The following CBX6 variants were observed in gnomAD, a reference collection of about 807,000 sequenced individuals.
CBX6 encodes the protein chromobox 6.
Under a neutral mutation model 28.4 loss-of-function variants are expected in CBX6, and 7 were observed. The observed-to-expected ratio is 0.25, with a 90% CI of 0.14 to 0.46. The LOEUF is 0.46. Among genes scored for constraint, CBX6 ranks in the 20% least tolerant of loss-of-function variants. CBX6 has a pLI of 0.99. For missense variants in CBX6, 512 were observed against 606.1 expected (o/e 0.84, Z 1.63); for synonymous variants, 297 against 273.4 (o/e 1.09, Z -0.85).
At position 38,866,427 on chromosome 22, in the gene CBX6, G is replaced by T. The variant is rs749014013; in HGVS notation, c.1021C>A (p.Pro341Thr). 17 of 1,610,472 alleles carry T rather than the reference G, an allele frequency of 1.1e-5. No homozygotes were observed. Among genetic ancestry groups the T allele is most frequent in the Non-Finnish European group, 1.4e-5 (17 of 1,179,158 alleles). ...GCACCGGCGGGCTCAGGGGCCGTGG[G>T]AGGTGCCGGGCCGGCAGCAGCTGTG... ...EVTAAAGPAP[P>T]TAPEPAGASS... is the part of the protein sequence containing the mutation. The change falls in exon 5 of 5, where the codon CCC becomes ACC. Residue 341 changes from proline to threonine, a missense_variant. Coordinates refer to ENST00000407418, the MANE Select transcript of CBX6 (RefSeq NM_014292.5). The surrounding 1 kb of genome is among the most constrained non-coding windows in gnomAD (Gnocchi z 7.5).
At position 38,872,018 on chromosome 22, in the gene CBX6, G is replaced by C; in HGVS notation, c.70-73C>G. 7.1e-7 allele frequency: 1 copy of C among 1,408,458 alleles called. No individual in the cohort carries two copies. Among genetic ancestry groups the C allele is most frequent in the Non-Finnish European group, 9.4e-7 (1 of 1,068,028 alleles). 87.2% of individuals were successfully genotyped at this position (1,408,458 alleles called of 1,614,324 possible). ...GGGGACGCGAGGAGGCGGCGGCGCG[G>C]GGCTGGGCGAGGGAGCCGGGCTAGC... On this transcript the variant is annotated intron_variant, in intron 1 of 4. Coordinates refer to ENST00000407418, the MANE Select transcript of CBX6 (RefSeq NM_014292.5). The surrounding 1 kb of genome is among the most constrained non-coding windows in gnomAD (Gnocchi z 5.0).
In CBX6 at chr22:38,871,372, G is replaced by C. The variant is rs751005629; in HGVS notation, c.246+108C>G. The C allele has an allele frequency of 1.5e-5, 17 of 1,170,268 alleles. No individual in the cohort carries two copies. Among genetic ancestry groups the C allele is most frequent in the Middle Eastern group, 2.3e-4 (1 of 4,368 alleles). 72.5% of individuals were successfully genotyped at this position (1,170,268 alleles called of 1,614,324 possible). A position where few individuals can be genotyped will look rare whatever the true frequency, so the allele number is the denominator to read the frequency against. On this transcript the variant is annotated intron_variant, in intron 4 of 4. Transcript: ENST00000407418. The surrounding 1 kb of genome is among the most constrained non-coding windows in gnomAD (Gnocchi z 5.6). ...TGCCCAGCTGGGGCCCCTCTGAAAAGGCCGGCCCGCTTGGGCGGCCGCGTA... is the reference window on the plus strand; with the variant it reads ...TGCCCAGCTGGGGCCCCTCTGAAAACGCCGGCCCGCTTGGGCGGCCGCGTA...
In CBX6 at chr22:38,863,653, G is replaced by C. The variant is rs576253000; in HGVS notation, c.*2556C>G. On this transcript the variant is annotated 3_prime_UTR_variant, in exon 5 of 5. Coordinates refer to ENST00000407418, the MANE Select transcript of CBX6 (RefSeq NM_014292.5). Reference sequence around the variant, plus strand: ...GCTGGCCCGGGCTGCTCCACTTGGAGCTCAGGCCAGCAGAAGCAGACCACC... The same window carrying C: ...GCTGGCCCGGGCTGCTCCACTTGGACCTCAGGCCAGCAGAAGCAGACCACC... The C allele has an allele frequency of 5.3e-5, 8 of 152,338 alleles. No individual in the cohort carries two copies. Among genetic ancestry groups the C allele is most frequent in the African/African-American group, 1.9e-4 (8 of 41,568 alleles). The allele number at this position is 152,338 out of a possible 1,614,324, so 9.4% of individuals were successfully genotyped here.
In CBX6 at chr22:38,865,864, A is replaced by G. The variant is rs945303204; in HGVS notation, c.*345T>C. On this transcript the variant is annotated 3_prime_UTR_variant, in exon 5 of 5. Coordinates refer to ENST00000407418, the MANE Select transcript of CBX6 (RefSeq NM_014292.5). ...AGGGCCCCACAGCTGCCAGGTTAGCACCGAGAAATCAGACGCCGCACAGGA... is the reference window on the plus strand; with the variant it reads ...AGGGCCCCACAGCTGCCAGGTTAGCGCCGAGAAATCAGACGCCGCACAGGA... 1 of 278,474 alleles carries G rather than the reference A, an allele frequency of 3.6e-6. No individual in the cohort carries two copies. The highest frequency in any genetic ancestry group is 6.8e-6 in the Non-Finnish European group (1 of 147,400). 17.3% of individuals were successfully genotyped at this position (278,474 alleles called of 1,614,324 possible).
At chr22:38,867,701 G>C (rs1226159159) in intron 4 of CBX6, among the ~76,000 whole-genome samples, 1 of 152,224 alleles carries the variant, frequency 6.6e-6, no homozygotes, top group African/African-American at 2.4e-5. Flanking sequence ...GTCCTGCTGA[G>C]CCACCATGTC....
chr22:38,871,649 A>G lies in CBX6; in HGVS notation c.179+43T>C, dbSNP rs2093182604. On this transcript the variant is annotated intron_variant, in intron 3 of 4. Coordinates refer to ENST00000407418, the MANE Select transcript of CBX6 (RefSeq NM_014292.5). This position sits in a 1 kb window ranked among gnomAD's most constrained non-coding sequence, Gnocchi z 5.6. Reference sequence around the variant, plus strand: ...GCTTCCCCGCGCGGCGCCCCAGCCGAGCCTCGGCCTCGCAGCCCCTGCCAG... The same window carrying G: ...GCTTCCCCGCGCGGCGCCCCAGCCGGGCCTCGGCCTCGCAGCCCCTGCCAG... The G allele has an allele frequency of 6.2e-7, 1 of 1,611,782 alleles. No homozygotes were observed. The highest frequency in any genetic ancestry group is 1.3e-5 in the African/African-American group (1 of 74,948).
In CBX6 at chr22:38,866,872, C is replaced by T. The variant is rs770354389; in HGVS notation, c.576G>A (p.Gln192=). ...DKGAGGGGAG[Q]GAGALARPKV... Reference sequence around the variant, plus strand: ...TGGGGCGGGCCAGCGCCCCGGCCCCCTGCCCGGCGCCCCCGCCGCCAGCGC... The same window carrying T: ...TGGGGCGGGCCAGCGCCCCGGCCCCTTGCCCGGCGCCCCCGCCGCCAGCGC... Residue 192 remains glutamine, a synonymous_variant, in exon 5 of 5, where the codon CAG becomes CAA. Coordinates refer to ENST00000407418, the MANE Select transcript of CBX6 (RefSeq NM_014292.5). This position sits in a 1 kb window ranked among gnomAD's most constrained non-coding sequence, Gnocchi z 7.5. 3.7e-6 allele frequency: 6 copies of T among 1,600,774 alleles called. No homozygotes were observed. Among genetic ancestry groups the T allele is most frequent in the Non-Finnish European group, 5.1e-6 (6 of 1,175,164 alleles).
chr22:38,861,894 T>C lies in CBX6; in HGVS notation c.*4315A>G, dbSNP rs990583334. 6.6e-6 allele frequency: 1 copy of C among 152,212 alleles called. No homozygotes were observed. The highest frequency in any genetic ancestry group is 2.4e-5 in the African/African-American group (1 of 41,444). The allele number at this position is 152,212 out of a possible 1,614,324, so 9.4% of individuals were successfully genotyped here. ...AATATAGAGCTATATATGTATATTT[T>C]ATATATATAGAATTCATTCGTGCAC... On this transcript the variant is annotated 3_prime_UTR_variant, in exon 5 of 5. Transcript: ENST00000407418.
rs972925002 is a variant in CBX6 at position 38,861,431 on chromosome 22, A to T, written c.*4778T>A. ...AAAAGCCAGTCACAGCTGGAAGAAG[A>T]CACAGACACACCCCAACCTAGGGGC... On this transcript the variant is annotated 3_prime_UTR_variant, in exon 5 of 5. Coordinates refer to ENST00000407418, the MANE Select transcript of CBX6 (RefSeq NM_014292.5). 5.3e-5 allele frequency: 8 copies of T among 152,234 alleles called. No homozygotes were observed. Among genetic ancestry groups the T allele is most frequent in the African/African-American group, 1.9e-4 (8 of 41,450 alleles). 9.4% of individuals were successfully genotyped at this position (152,234 alleles called of 1,614,324 possible).
chr22:38,866,652 C>T lies in CBX6; in HGVS notation c.796G>A (p.Ala266Thr), dbSNP rs1371876117. ...GPGLLLAAPA[A>T]PYDARSSGSS... ...CCAGAGCTGCGGGCGTCGTAGGGGG[C>T]GGCGGGGGCGGCCAGAAGTAGCCCA... Residue 266 changes from alanine to threonine, a missense_variant, in exon 5 of 5, where the codon GCC (alanine) becomes ACC (threonine). By Grantham distance (58) the Ala-to-Thr change is moderately conservative (BLOSUM62 0). Around this residue, in one of 7 missense-constraint regions of CBX6, gnomAD observed 290 missense variants for 274.1 expected, o/e 1.06. Coordinates refer to ENST00000407418, the MANE Select transcript of CBX6 (RefSeq NM_014292.5). This position sits in a 1 kb window ranked among gnomAD's most constrained non-coding sequence, Gnocchi z 7.5. 6 of 1,182,834 alleles carry T rather than the reference C, an allele frequency of 5.1e-6. No individual in the cohort carries two copies. In the East Asian group the frequency reaches 2.9e-4, roughly 56 times the overall value. The allele number at this position is 1,182,834 out of a possible 1,614,324, so 73.3% of individuals were successfully genotyped here. A position where few individuals can be genotyped will look rare whatever the true frequency, so the allele number is the denominator to read the frequency against.
rs887096880 is a variant in CBX6 at position 38,866,439 on chromosome 22, C to T, written c.1009G>A (p.Gly337Ser). ...TCAGGGGCCGTGGGAGGTGCCGGGC[C>T]GGCAGCAGCTGTGACCTCAGGCGGT... ...RAPPEVTAAA[G>S]PAPPTAPEPA... The change falls in exon 5 of 5, where the codon GGC becomes AGC. Residue 337 changes from glycine to serine, a missense_variant. Physicochemically the swap from Gly to Ser is moderately conservative, Grantham distance 56. This residue lies in a region of CBX6 where 290 missense variants were observed against 274.1 expected (regional missense o/e 1.06). Coordinates refer to ENST00000407418, the MANE Select transcript of CBX6 (RefSeq NM_014292.5). The surrounding 1 kb of genome is among the most constrained non-coding windows in gnomAD (Gnocchi z 7.5). The T allele has an allele frequency of 2.5e-6, 4 of 1,608,846 alleles. No individual in the cohort carries two copies. The highest frequency in any genetic ancestry group is 2.7e-5 in the African/African-American group (2 of 74,884).
chr22:38,871,593 C>T lies in CBX6; in HGVS notation c.180-47G>A, dbSNP rs1173875730. 1.2e-6 allele frequency: 2 copies of T among 1,612,380 alleles called. No individual in the cohort carries two copies. Among genetic ancestry groups the T allele is most frequent in the African/African-American group, 1.3e-5 (1 of 74,888 alleles). Reference sequence around the variant, plus strand: ...GGTTAAAAAGAGCCCCTTCCCGGGCCCCACTCCGCGCTGCCCTCCCCGGCT... The same window carrying T: ...GGTTAAAAAGAGCCCCTTCCCGGGCTCCACTCCGCGCTGCCCTCCCCGGCT... On this transcript the variant is annotated intron_variant, in intron 3 of 4. Transcript: ENST00000407418. This position sits in a 1 kb window ranked among gnomAD's most constrained non-coding sequence, Gnocchi z 5.6.
In CBX6 at chr22:38,862,679, GTCCAGCCCCCTGGCCAA is replaced by G. The variant is rs2093160372; in HGVS notation, c.*3513_*3529del. ...CCATAGGCCAGAGAGGCTGGTAGCA[GTCCAGCCCCCTGGCCAA>G]CCCAGCTCCCTGTTGGGGCTGACCC... On this transcript the variant is annotated 3_prime_UTR_variant, in exon 5 of 5. Coordinates refer to ENST00000407418, the MANE Select transcript of CBX6 (RefSeq NM_014292.5). 1 of 152,254 alleles carries G rather than the reference GTCCAGCCCCCTGGCCAA, an allele frequency of 6.6e-6. No homozygotes were observed. 9.4% of individuals were successfully genotyped at this position (152,254 alleles called of 1,614,324 possible).
Position 38,871,466 on chromosome 22 carries a change from C to A in CBX6, c.246+14G>T, listed in dbSNP as rs745677153. ...GCCCGAGAGGGGGATGCTGCTGGGG[C>A]TGGGCCAGGTTACCTTCAGGAGGAA... On this transcript the variant is annotated intron_variant, in intron 4 of 4. Transcript: ENST00000407418. The surrounding 1 kb of genome is among the most constrained non-coding windows in gnomAD (Gnocchi z 5.6). The A allele has an allele frequency of 6.2e-7, 1 of 1,604,948 alleles. No individual in the cohort carries two copies. Among genetic ancestry groups the A allele is most frequent in the Non-Finnish European group, 8.5e-7 (1 of 1,175,584 alleles).
chr22:38,871,878 GC>G lies in CBX6; in HGVS notation c.113+23del. On this transcript the variant is annotated intron_variant, in intron 2 of 4. Coordinates refer to ENST00000407418, the MANE Select transcript of CBX6 (RefSeq NM_014292.5). The surrounding 1 kb of genome is among the most constrained non-coding windows in gnomAD (Gnocchi z 5.6). The stretch of plus-strand genomic sequence containing the variant: ...TGCCCGCTGCCTCCCCTCCCGCGAC[GC>G]CCCCGGACCCCGCGACACTCACTTG... The G allele has an allele frequency of 2.6e-6, 4 of 1,526,640 alleles. No individual in the cohort carries two copies. The highest frequency in any genetic ancestry group is 1.4e-5 in the African/African-American group (1 of 72,710). The allele number at this position is 1,526,640 out of a possible 1,614,324, so 94.6% of individuals were successfully genotyped here.
At chr22:38,867,938 C>T (rs548478899) in intron 4 of CBX6, among the ~76,000 whole-genome samples, 3 of 152,210 alleles carry the variant, frequency 2.0e-5, no homozygotes, top group African/African-American at 7.2e-5. Flanking sequence ...GAAGTGGGCC[C>T]GACCACTGCC....
chr22:38,871,608 C>A lies in CBX6; in HGVS notation c.180-62G>T. On this transcript the variant is annotated intron_variant, in intron 3 of 4. Coordinates refer to ENST00000407418, the MANE Select transcript of CBX6 (RefSeq NM_014292.5). This position sits in a 1 kb window ranked among gnomAD's most constrained non-coding sequence, Gnocchi z 5.6. Reference sequence around the variant, plus strand: ...CTTCCCGGGCCCCACTCCGCGCTGCCCTCCCCGGCTCTCCCGCTTCCCCGC... The same window carrying A: ...CTTCCCGGGCCCCACTCCGCGCTGCACTCCCCGGCTCTCCCGCTTCCCCGC... 1.9e-6 allele frequency: 3 copies of A among 1,611,656 alleles called. No individual in the cohort carries two copies. The highest frequency in any genetic ancestry group is 3.3e-5 in the Admixed American group (2 of 59,964).
At position 38,866,245 on chromosome 22, in the gene CBX6, G is replaced by GGCGCCTGCTACCCCAGCA. The variant is rs763551245; in HGVS notation, c.1185_1202dup (p.Val398_Gly403dup). 1.0e-4 allele frequency: 167 copies of GGCGCCTGCTACCCCAGCA among 1,612,854 alleles called. No homozygotes were observed. Among genetic ancestry groups the GGCGCCTGCTACCCCAGCA allele is most frequent in the Non-Finnish European group, 1.4e-4 (160 of 1,179,730 alleles). On this transcript the variant is annotated inframe_insertion, in exon 5 of 5. Coordinates refer to ENST00000407418, the MANE Select transcript of CBX6 (RefSeq NM_014292.5). This position sits in a 1 kb window ranked among gnomAD's most constrained non-coding sequence, Gnocchi z 7.5. Reference sequence around the variant, plus strand: ...CCCCAATGCTGCCACCGCCCCCAGCGGCGCCTGCTACCCCAGCAGCCACCT... The same window carrying GGCGCCTGCTACCCCAGCA: ...CCCCAATGCTGCCACCGCCCCCAGCGGCGCCTGCTACCCCAGCAGCGCCTGCTACCCCAGCAGCCACCT...
At position 38,867,005 on chromosome 22, in the gene CBX6, G is replaced by C; in HGVS notation, c.443C>G (p.Pro148Arg). The change falls in exon 5 of 5, where the codon CCG becomes CGG. Residue 148 changes from proline to arginine, a missense_variant. Around this residue, in one of 7 missense-constraint regions of CBX6, gnomAD observed 123 missense variants for 138.1 expected, o/e 0.89. Transcript: ENST00000407418. ...CGTCTCCGAGAAGGGCGAAATGGGC[G>C]GGCGCAGTCCGGGGCTGCCCCCCTG... Reference protein sequence around the residue: ...DPQGGSPGLRPPISPFSETVR... With the variant: ...DPQGGSPGLRRPISPFSETVR... The C allele has an allele frequency of 6.2e-7, 1 of 1,607,056 alleles. No homozygotes were observed. Among genetic ancestry groups the C allele is most frequent in the Non-Finnish European group, 8.5e-7 (1 of 1,177,994 alleles).
Sources: gnomAD v4.1 joint callset for allele counts (sites outside exome capture counted in the v4.1 genomes callset) on GRCh38, gnomAD v4.1.1 for gene constraint, gnomAD v4.1.1 regional missense constraint, Gnocchi (gnomAD v3.1) non-coding constraint, MANE v1.5 for transcripts, NCBI Gene and HGNC (gene_info 2026-07-23, HGNC 2026-07-21) for gene names.